Variants in PPP4R1 observed in about 807,000 individuals in gnomAD.
PPP4R1 encodes serine/threonine-protein phosphatase 4 regulatory subunit 1.
A neutral mutation model predicts 111.2 loss-of-function variants in PPP4R1; 42 were observed. The observed-to-expected ratio is 0.38, with a 90% CI of 0.29 to 0.49. PPP4R1 has a LOEUF of 0.49. Among genes scored for constraint, PPP4R1 ranks in the 20% least tolerant of loss-of-function variants. PPP4R1 has a pLI of 0.97. For synonymous variants in PPP4R1, 409 were observed against 405.5 expected (o/e 1.01, Z -0.10); for missense variants, 1,012 against 1,161.6 (o/e 0.87, Z 1.87).
chr18:9,571,200 C>T (rs1192911561), intron 10 of PPP4R1, among the ~76,000 whole-genome samples: 1 of 152,140 alleles, frequency 6.6e-6, no homozygotes, highest in Non-Finnish European at 1.5e-5. Context: ...TACTTATTTG[C>T]TATCTCACAA....
chr18:9,555,994 A>AAC (rs1210597541), intron 15 of PPP4R1, among the ~76,000 whole-genome samples: 15 of 68,950 alleles, frequency 2.2e-4, no homozygotes, highest in African/African-American at 7.9e-4. Context: ...ACAAACAAAC[A>AAC]AACAAAAAAA....
intron 2 of PPP4R1, among the ~76,000 whole-genome samples, chr18:9,607,098 C>A: frequency 6.6e-6 from 1 of 152,126 alleles, no homozygotes; most frequent in East Asian, 1.9e-4. Flanking sequence ...GTGGCTCACA[C>A]CTGTAATTCC....
intron 4 of PPP4R1, among the ~76,000 whole-genome samples, chr18:9,593,355 A>AGC (rs2067242430): frequency 1.3e-5 from 2 of 152,134 alleles, no homozygotes; most frequent in Non-Finnish European, 2.9e-5. Flanking sequence ...AACCAGCTTT[A>AGC]GTTTTACAAA....
chr18:9,597,047 T>C (rs1234023085), intron 2 of PPP4R1, among the ~76,000 whole-genome samples: 3 of 152,164 alleles, frequency 2.0e-5, no homozygotes, highest in Non-Finnish European at 2.9e-5. Flanking sequence ...GCAGGAGGAC[T>C]GTTTGAGCAC....
Position 9,563,382 on chromosome 18 carries a change from A to G in PPP4R1, c.1742T>C (p.Val581Ala). Residue 581 changes from valine (V) to alanine (A), a missense_variant, in exon 12 of 20, where the codon GTT becomes GCT. By Grantham distance (64) the Val-to-Ala change is moderately conservative (BLOSUM62 0). Around this residue, in one of 2 missense-constraint regions of PPP4R1, gnomAD observed 707 missense variants for 742.1 expected, o/e 0.95. Transcript: ENST00000400556. Reference protein sequence around the residue: ...EDSVPLISDAVENMDSTLHYI... With the variant: ...EDSVPLISDAAENMDSTLHYI... Reference sequence around the variant, plus strand: ...ACACTTTACTGAGTTTGTTACCTCAACAGCATCGCTGATTAAAGGCACAGA... The same window carrying G: ...ACACTTTACTGAGTTTGTTACCTCAGCAGCATCGCTGATTAAAGGCACAGA... The G allele has an allele frequency of 6.2e-7, 1 of 1,609,776 alleles. No individual in the cohort carries two copies. Among genetic ancestry groups the G allele is most frequent in the Non-Finnish European group, 8.5e-7 (1 of 1,177,874 alleles).
At chr18:9,576,884 C>T (rs952460419) in intron 10 of PPP4R1, among the ~76,000 whole-genome samples, 180 bp downstream of exon 10, 1 of 144,240 alleles carries the variant, frequency 6.9e-6, no homozygotes, top group Non-Finnish European at 1.5e-5. Flanking sequence ...CAAAGAGATA[C>T]TTAACAAACA....
At position 9,563,531 on chromosome 18, in the gene PPP4R1, G is replaced by A. The variant is rs377310979; in HGVS notation, c.1593C>T (p.Ser531=). 152 of 1,597,072 alleles carry A rather than the reference G, an allele frequency of 9.5e-5. No individual in the cohort carries two copies. The highest frequency in any genetic ancestry group is 5.0e-4 in the Middle Eastern group (3 of 6,010). ...CCAGGCTGGAAGCACGTAGTGCAGC[G>A]GACAGCACTTCCACTTGTGCTACAG... ...PDVKAQVEVL[S]AALRASSLDA... Residue 531 remains serine (S), a synonymous_variant, in exon 12 of 20, where the codon TCC becomes TCT. Transcript: ENST00000400556.
Position 9,606,902 on chromosome 18 carries a change from CTT to C in PPP4R1, c.52+7322_52+7323del, listed in dbSNP as rs1459063211. Among the ~76,000 whole-genome samples, 4 of 152,264 alleles carry C rather than the reference CTT, an allele frequency of 2.6e-5. No individual in the cohort carries two copies. In the East Asian group the frequency reaches 5.8e-4, roughly 22 times the overall value. ...AGTGAGTAAAAATTTTCTTTGCACT[CTT>C]AACGCAATTACTTTGGTAGTAACCT... On this transcript the variant is annotated intron_variant, in intron 2 of 19. Transcript: ENST00000400556.
intron 8 of PPP4R1, among the ~76,000 whole-genome samples, chr18:9,584,243 T>C (rs771434316): frequency 3.9e-5 from 6 of 152,182 alleles, no homozygotes; most frequent in African/African-American, 1.2e-4. Flanking sequence ...AAAGGTTCAA[T>C]TGAATAAGTA....
Position 9,614,398 on chromosome 18 carries a change from C to T in PPP4R1, c.7+80G>A. On this transcript the variant is annotated intron_variant, in intron 1 of 19. Transcript: ENST00000400556. This position sits in a 1 kb window ranked among gnomAD's most constrained non-coding sequence, Gnocchi z 4.1. ...GCCGGGACCCCACGCCGGCCCCGGCCCGGCAGCCACTCAGGGCTGCGGCGG... is the reference window on the plus strand; with the variant it reads ...GCCGGGACCCCACGCCGGCCCCGGCTCGGCAGCCACTCAGGGCTGCGGCGG... 4.9e-6 allele frequency: 5 copies of T among 1,018,100 alleles called. No homozygotes were observed. 63.1% of individuals were successfully genotyped at this position (1,018,100 alleles called of 1,614,324 possible).
intron 19 of PPP4R1, 135 bp downstream of exon 19, chr18:9,549,059 GAAC>G: frequency 8.9e-7 from 1 of 1,127,034 alleles, no homozygotes; most frequent in Non-Finnish European, 1.3e-6. Flanking sequence ...AGAATCACCG[GAAC>G]AACTAAAGTA....
chr18:9,599,570 C>T (rs1433483582), intron 2 of PPP4R1: 1 of 152,130 alleles, frequency 6.6e-6, no homozygotes, highest in African/African-American at 2.4e-5. Context: ...TTACAAACAA[C>T]ACCTAACCAT....
intron 13 of PPP4R1, 78 bp downstream of exon 13, chr18:9,561,902 G>T: frequency 1.7e-6 from 2 of 1,174,764 alleles, no homozygotes; most frequent in Non-Finnish European, 2.5e-6. Flanking sequence ...TAAAGAAGGG[G>T]CAAATTAGGT....
rs367655172 is a variant in PPP4R1, at chr18:9,547,882, G to A, written c.2760C>T (p.Asp920=). 4.3e-6 allele frequency: 7 copies of A among 1,613,914 alleles called. No individual in the cohort carries two copies. Among genetic ancestry groups the A allele is most frequent in the Non-Finnish European group, 5.9e-6 (7 of 1,180,020 alleles). The change falls in exon 20 of 20, where the codon GAC becomes GAT. Residue 920 remains aspartate (D), a synonymous_variant. Transcript: ENST00000400556. ...VEQTIMALQM[D]RDSDVKYFAS... ...CAAAATACTTGACATCGCTGTCACGGTCCATCTGAAGAGCCATGATGGTCT... is the reference window on the plus strand; with the variant it reads ...CAAAATACTTGACATCGCTGTCACGATCCATCTGAAGAGCCATGATGGTCT...
At chr18:9,595,222 G>A in intron 2 of PPP4R1, 69 bp from the exon 3 acceptor site, 1 of 1,490,934 alleles carries the variant, frequency 6.7e-7, no homozygotes, top group Non-Finnish European at 9.1e-7. Context: ...CCTGTCTGAA[G>A]CAGTACAAAT....
At chr18:9,549,363 A>C (rs775669956) in intron 18 of PPP4R1, 25 bp from the exon 19 acceptor site, 2 of 1,573,774 alleles carry the variant, frequency 1.3e-6, no homozygotes, top group African/African-American at 2.7e-5. Flanking sequence ...CAGCTGCTCT[A>C]GGCTTCTCTG....
At chr18:9,609,291 A>G (rs2067537302) in intron 2 of PPP4R1, among the ~76,000 whole-genome samples, 1 of 152,200 alleles carries the variant, frequency 6.6e-6, no homozygotes, top group South Asian at 2.1e-4. Context: ...ACTCCTAAAT[A>G]TGATTCACGT....
At chr18:9,564,711 T>C (rs1156409323) in intron 11 of PPP4R1, among the ~76,000 whole-genome samples, 2 of 51,154 alleles carry the variant, frequency 3.9e-5, no homozygotes, top group Non-Finnish European at 8.8e-5. Context: ...TGTGTGTGTG[T>C]GTGTGTGTGT....
chr18:9,582,410 C>T (rs1191197623), intron 9 of PPP4R1, among the ~76,000 whole-genome samples: 1 of 151,846 alleles, frequency 6.6e-6, no homozygotes, highest in Non-Finnish European at 1.5e-5. Flanking sequence ...TAATCATATA[C>T]CAACAAATTA....
Sources: allele counts gnomAD v4.1 joint callset (sites outside exome capture counted in the v4.1 genomes callset), GRCh38; gene constraint gnomAD v4.1.1; regional missense constraint gnomAD v4.1.1; non-coding constraint Gnocchi (gnomAD v3.1); transcripts MANE v1.5; gene names NCBI Gene and HGNC (gene_info 2026-07-23, HGNC 2026-07-21).